The following GALNT12 variants were observed in gnomAD, a reference collection of about 807,000 sequenced individuals.
GALNT12 encodes polypeptide N-acetylgalactosaminyltransferase 12.
A neutral mutation model predicts 55.5 loss-of-function variants in GALNT12; 45 were observed. The observed-to-expected ratio is 0.81, with a 90% confidence interval of 0.64 to 1.04. The LOEUF is 1.04. Among genes scored for constraint, GALNT12 ranks in the 50% least tolerant of loss-of-function variants. The pLI is 0.00. For synonymous variants in GALNT12, 304 were observed against 312.2 expected, an observed-to-expected ratio of 0.97 and a Z score of 0.28; for missense variants, 709 against 754.8, an observed-to-expected ratio of 0.94 and a Z score of 0.71.
intron 9 of GALNT12, 170 bp from the exon 10 acceptor site, chr9:98,848,781 TG>T: frequency 1.3e-6 from 1 of 753,388 alleles, no homozygotes; most frequent in Non-Finnish European, 2.2e-6. Flanking sequence ...TGTACAAGCC[TG>T]GTGCTGTGTC....
At chr9:98,820,851 A>T (rs895962720) in intron 1 of GALNT12, among the ~76,000 whole-genome samples, 1 of 152,150 alleles carries the variant, frequency 6.6e-6, no homozygotes, top group Non-Finnish European at 1.5e-5. Context: ...GTGTCTTCCA[A>T]CCCAGGGCTG....
intron 1 of GALNT12, among the ~76,000 whole-genome samples, chr9:98,819,250 G>A (rs187570876): frequency 1.1e-4 from 16 of 152,288 alleles, no homozygotes; most frequent in Admixed American, 3.9e-4. Context: ...AGATGGAGCC[G>A]CATTCTCCTC....
At position 98,837,129 on chromosome 9, in the gene GALNT12, G is replaced by C. The variant is rs769674764; in HGVS notation, c.1193G>C (p.Arg398Pro). 6.2e-7 allele frequency: 1 copy of C among 1,614,104 alleles called. No homozygotes were observed. Among genetic ancestry groups the C allele is most frequent in the Admixed American group, 1.7e-5 (1 of 60,010 alleles). The part of the protein sequence containing the change: ...MDEFKELYYH[R>P]NPRARLEPFG... ...GAATTTAAAGAGCTCTACTACCATC[G>C]CAACCCCCGTGCCCGCTTGGTGAGT... The change falls in exon 6 of 10, where the codon CGC (arginine) becomes CCC (proline). Residue 398 changes from arginine (R) to proline (P), a missense_variant. This residue lies in a region of GALNT12 where 262 missense variants were observed against 310.7 expected (regional missense o/e 0.84). Coordinates refer to ENST00000375011, the MANE Select transcript of GALNT12 (RefSeq NM_024642.5).
At chr9:98,829,158 TATC>T (rs1835933573) in intron 3 of GALNT12, among the ~76,000 whole-genome samples, 1 of 88,250 alleles carries the variant, frequency 1.1e-5, no homozygotes, top group Non-Finnish European at 2.5e-5. Context: ...TTTTTTTATC[TATC>T]TATCTATCTA....
Position 98,826,839 on chromosome 9 carries a change from G to C in GALNT12, c.629G>C (p.Arg210Pro), listed in dbSNP as rs780705882. 2 of 1,610,374 alleles carry C rather than the reference G, an allele frequency of 1.2e-6. No individual in the cohort carries two copies. The highest frequency in any genetic ancestry group is 3.4e-5 in the Admixed American group (2 of 59,672). The change falls in exon 3 of 10, where the codon CGA becomes CCA. Residue 210 changes from arginine (R) to proline (P), a missense_variant. By Grantham distance (103) the Arg-to-Pro change is moderately radical. Transcript: ENST00000375011. ...IRANKREGLV[R>P]ARLLGASAAR... ...GCCAACAAGAGAGAGGGCCTGGTGC[G>C]AGCCCGGCTGCTGGGGGCGTCTGCG...
intron 4 of GALNT12, among the ~76,000 whole-genome samples, chr9:98,833,004 C>T (rs1836039550): frequency 6.6e-6 from 1 of 152,110 alleles, no homozygotes; most frequent in African/African-American, 2.4e-5. Context: ...GTCATATGCT[C>T]ATTCTTGAGG....
intron 1 of GALNT12, among the ~76,000 whole-genome samples, chr9:98,811,263 A>C (rs1835490137): frequency 6.6e-6 from 1 of 152,258 alleles, no homozygotes; most frequent in South Asian, 2.1e-4. Flanking sequence ...AGTTCAAGCC[A>C]GTGATGACAT....
At chr9:98,812,260 T>C (rs549294767) in intron 1 of GALNT12, among the ~76,000 whole-genome samples, 12 of 152,258 alleles carry the variant, frequency 7.9e-5, no homozygotes, top group Admixed American at 2.0e-4. Flanking sequence ...TTGGTGTGTC[T>C]TTGAATAGTA....
intron 4 of GALNT12, 130 bp downstream of exon 4, chr9:98,832,087 T>C (rs1242738411): frequency 2.6e-6 from 2 of 768,128 alleles, no homozygotes; most frequent in Non-Finnish European, 4.5e-6. Flanking sequence ...CCCACTTTTT[T>C]GCCCAGAGTA....
At chr9:98,826,997 G>A (rs2118379498) in intron 3 of GALNT12, 56 bp downstream of exon 3, 1 of 1,528,206 alleles carries the variant, frequency 6.5e-7, no homozygotes, top group Non-Finnish European at 8.9e-7. Flanking sequence ...TAGGTAGCAT[G>A]AGGAACAGAC....
At chr9:98,843,519 G>A (rs553198548) in intron 7 of GALNT12, among the ~76,000 whole-genome samples, 18 of 151,832 alleles carry the variant, frequency 1.2e-4, no homozygotes, top group African/African-American at 1.7e-4. Context: ...TGATTCTCCC[G>A]CCTCAGTCTC....
At chr9:98,815,565 CTATACCAG>C (rs1325669828) in intron 1 of GALNT12, among the ~76,000 whole-genome samples, 2 of 152,076 alleles carry the variant, frequency 1.3e-5, no homozygotes, top group Non-Finnish European at 2.9e-5. Context: ...GAAACAGAAA[CTATACCAG>C]GACAAGAAAA....
chr9:98,828,349 G>A (rs1285718175), intron 3 of GALNT12, among the ~76,000 whole-genome samples: 1 of 152,092 alleles, frequency 6.6e-6, no homozygotes, highest in East Asian at 1.9e-4. Flanking sequence ...CAGCAGATTC[G>A]AGGCTCCTCT....
rs776800914 is a variant in GALNT12, at chr9:98,826,812, G to C, written c.602G>C (p.Arg201Pro). 1.2e-6 allele frequency: 2 copies of C among 1,611,980 alleles called. No homozygotes were observed. Residue 201 changes from arginine (R) to proline (P), a missense_variant, in exon 3 of 10, where the codon CGC becomes CCC. Transcript: ENST00000375011. The stretch of plus-strand genomic sequence containing the variant: ...GGACTGCCCAAGGTGCGCCTGATCC[G>C]CGCCAACAAGAGAGAGGGCCTGGTG... ...LSGLPKVRLIRANKREGLVRA... is the reference protein window; with the variant it reads ...LSGLPKVRLIPANKREGLVRA...
At position 98,823,445 on chromosome 9, in the gene GALNT12, C is replaced by G. The variant is rs757762438; in HGVS notation, c.541+20C>G. The G allele has an allele frequency of 3.1e-6, 5 of 1,609,976 alleles. No individual in the cohort carries two copies. In the East Asian group the frequency reaches 1.1e-4, roughly 36 times the overall value. ...ATAGAGGTGAGTCCCGGCCAGGGCT[C>G]TGGGAAGAGCCTGTCCTTCTGTAGC... On this transcript the variant is annotated intron_variant, in intron 2 of 9. Transcript: ENST00000375011.
intron 1 of GALNT12, among the ~76,000 whole-genome samples, chr9:98,821,624 C>CAAAAA (rs11467276): frequency 3.6e-5 from 4 of 112,028 alleles, no homozygotes; most frequent in African/African-American, 9.0e-5. Flanking sequence ...GACTCCATCT[C>CAAAAA]AAAAAAAAAA....
At chr9:98,810,126 A>G (rs778764967) in intron 1 of GALNT12, among the ~76,000 whole-genome samples, 18 of 152,144 alleles carry the variant, frequency 1.2e-4, no homozygotes, top group Admixed American at 4.6e-4. Flanking sequence ...CACTTTTATT[A>G]CAGTTCATCC....
At position 98,807,777 on chromosome 9, in the gene GALNT12, C is replaced by T. The variant is rs1374050913; in HGVS notation, c.79C>T (p.Leu27=). 5 of 1,157,642 alleles carry T rather than the reference C, an allele frequency of 4.3e-6. No individual in the cohort carries two copies. Among genetic ancestry groups the T allele is most frequent in the Admixed American group, 4.2e-5 (1 of 23,822 alleles). 71.7% of individuals were successfully genotyped at this position (1,157,642 alleles called of 1,614,324 possible). Residue 27 remains leucine, a synonymous_variant, in exon 1 of 10, where the codon CTA becomes TTA. Coordinates refer to ENST00000375011, the MANE Select transcript of GALNT12 (RefSeq NM_024642.5). ...GREALLVLLA[L]LALAGLGSVL... ...GGAGGCGCTGTTGGTGCTCCTGGCG[C>T]TACTGGCGTTGGCCGGGCTGGGCTC... is the stretch of plus-strand genomic sequence containing the variant.
chr9:98,826,886 T>C lies in GALNT12; in HGVS notation c.676T>C (p.Phe226Leu), dbSNP rs1835870318. The change falls in exon 3 of 10, where the codon TTC becomes CTC. Residue 226 changes from phenylalanine to leucine, a missense_variant. Phe to Leu is a conservative substitution (Grantham distance 22, BLOSUM62 0). Coordinates refer to ENST00000375011, the MANE Select transcript of GALNT12 (RefSeq NM_024642.5). ...ASAARGDVLT[F>L]LDCHCECHEG... is the part of the protein sequence containing the mutation. ...TGCGGCGAGGGGCGATGTTCTGACC[T>C]TCCTGGACTGTCACTGTGAGTGCCA... 1 of 1,589,578 alleles carries C rather than the reference T, an allele frequency of 6.3e-7. No homozygotes were observed. Among genetic ancestry groups the C allele is most frequent in the African/African-American group, 1.3e-5 (1 of 74,608 alleles).
Sources: allele counts gnomAD v4.1 joint callset (sites outside exome capture counted in the v4.1 genomes callset), GRCh38; gene constraint gnomAD v4.1.1; regional missense constraint gnomAD v4.1.1; transcripts MANE v1.5; gene names NCBI Gene and HGNC (gene_info 2026-07-23, HGNC 2026-07-21).